OLFM2: variants seen among roughly 807,000 people sequenced by gnomAD.
OLFM2 encodes the protein olfactomedin 2.
A neutral mutation model predicts 43.9 loss-of-function variants in OLFM2; 20 were observed. The observed-to-expected ratio is 0.46, with a 90% CI of 0.32 to 0.66. OLFM2 has a LOEUF of 0.66. Ranked by LOEUF, OLFM2 falls within the 30% of genes least tolerant of loss-of-function variation. The pLI, the probability that OLFM2 is intolerant of heterozygous loss-of-function variation, is 0.04. For missense variants in OLFM2, 416 were observed against 643.6 expected, an observed-to-expected ratio of 0.65 and a Z score of 3.83; for synonymous variants, 268 against 278.6, an observed-to-expected ratio of 0.96 and a Z score of 0.38.
At chr19:9,921,650 G>A (rs897579143) in intron 1 of OLFM2, among the ~76,000 whole-genome samples, 10 of 151,844 alleles carry the variant, frequency 6.6e-5, no homozygotes, top group African/African-American at 2.2e-4. Flanking sequence ...CACCACACCT[G>A]GCTATTTTGT....
chr19:9,910,961 T>C (rs1214117357), intron 1 of OLFM2, among the ~76,000 whole-genome samples: 1 of 151,836 alleles, frequency 6.6e-6, no homozygotes, highest in African/African-American at 2.4e-5. Context: ...GTTGGATGAA[T>C]GAATGAATGG....
chr19:9,917,522 C>G (rs2086392082), intron 1 of OLFM2, among the ~76,000 whole-genome samples: 1 of 152,100 alleles, frequency 6.6e-6, no homozygotes, highest in African/African-American at 2.4e-5. Context: ...GTGTTTCTCT[C>G]CTGTGTCTGC....
intron 1 of OLFM2, among the ~76,000 whole-genome samples, chr19:9,901,077 GAA>G (rs1362376988): frequency 8.9e-6 from 1 of 112,144 alleles, no homozygotes; most frequent in Admixed American, 8.8e-5. Context: ...GGGAGGGAAA[GAA>G]AGAGAGTGAG....
At chr19:9,928,448 C>T (rs1424285160) in intron 1 of OLFM2, among the ~76,000 whole-genome samples, 1 of 150,726 alleles carries the variant, frequency 6.6e-6, no homozygotes, top group African/African-American at 2.4e-5. Flanking sequence ...ATTGTTGGAA[C>T]TATGTGTAAA....
At chr19:9,925,360 T>C (rs2086446447) in intron 1 of OLFM2, among the ~76,000 whole-genome samples, 3 of 152,076 alleles carry the variant, frequency 2.0e-5, no homozygotes, top group Admixed American at 6.6e-5. Flanking sequence ...TGTGGAAAAA[T>C]AGGAACCCTT....
chr19:9,911,257 C>G (rs1459217709), intron 1 of OLFM2, among the ~76,000 whole-genome samples: 3 of 152,136 alleles, frequency 2.0e-5, no homozygotes, highest in African/African-American at 7.2e-5. Flanking sequence ...CTTTCAGACT[C>G]CCAAAATGGA....
chr19:9,910,888 G>A (rs1183550354), intron 1 of OLFM2, among the ~76,000 whole-genome samples: 1 of 152,134 alleles, frequency 6.6e-6, no homozygotes, highest in Non-Finnish European at 1.5e-5. Context: ...TGGATGGAGA[G>A]AAAATGGATG....
At chr19:9,914,350 C>A (rs1230117140) in intron 1 of OLFM2, among the ~76,000 whole-genome samples, 1 of 152,134 alleles carries the variant, frequency 6.6e-6, no homozygotes, top group African/African-American at 2.4e-5. Flanking sequence ...CACCAAGGGT[C>A]TCCTTTAGCT....
rs1413330919 is a variant in OLFM2, at chr19:9,929,162, T to C, written c.63+7142A>G. Among the ~76,000 whole-genome samples, 3 of 152,036 alleles carry C rather than the reference T, an allele frequency of 2.0e-5. No individual in the cohort carries two copies. In the East Asian group the frequency reaches 5.8e-4, roughly 29 times the overall value. ...AATAAAATGTTCCTGTCATGACAAGTTTTTTCCCAACACAGCCAGACTCAA... is the reference window on the plus strand; with the variant it reads ...AATAAAATGTTCCTGTCATGACAAGCTTTTTCCCAACACAGCCAGACTCAA... On this transcript the variant is annotated intron_variant, in intron 1 of 5. Coordinates refer to ENST00000264833, the MANE Select transcript of OLFM2 (RefSeq NM_058164.4).
intron 1 of OLFM2, among the ~76,000 whole-genome samples, chr19:9,918,788 C>A (rs1015110430): frequency 2.0e-5 from 3 of 152,078 alleles, no homozygotes; most frequent in African/African-American, 7.2e-5. Context: ...GTTTATGATT[C>A]TATTTATACA....
intron 1 of OLFM2, among the ~76,000 whole-genome samples, chr19:9,911,424 TTGGA>T (rs1333953174): frequency 1.3e-5 from 2 of 152,098 alleles, no homozygotes; most frequent in Non-Finnish European, 2.9e-5. Flanking sequence ...CATGGAAGCA[TTGGA>T]TGAAGATGCT....
At chr19:9,904,982 G>C (rs1037685365) in intron 1 of OLFM2, among the ~76,000 whole-genome samples, 16 of 152,018 alleles carry the variant, frequency 1.1e-4, no homozygotes, top group African/African-American at 3.9e-4. Context: ...TCATGCCATT[G>C]CACTACAGTC....
At chr19:9,887,476 C>T (rs777599391) in intron 1 of OLFM2, among the ~76,000 whole-genome samples, 57 of 151,642 alleles carry the variant, frequency 3.8e-4, no homozygotes, top group South Asian at 8.3e-4. Context: ...ACCGCACCGC[C>T]CACCCTCTCT....
chr19:9,936,359 G>C lies in OLFM2; in HGVS notation c.8C>G (p.Pro3Arg), dbSNP rs1369339080. Residue 3 changes from proline (P) to arginine (R), a missense_variant, in exon 1 of 6, where the codon CCG (proline) becomes CGG (arginine). Coordinates refer to ENST00000264833, the MANE Select transcript of OLFM2 (RefSeq NM_058164.4). Reference sequence around the variant, plus strand: ...CAGCAGCGGCGGCGGGACCGTGAGCGGCCACATGACGCGCCCCTAGCCCGG... The same window carrying C: ...CAGCAGCGGCGGCGGGACCGTGAGCCGCCACATGACGCGCCCCTAGCCCGG... MW[P>R]LTVPPPLLLL... 10 of 1,498,758 alleles carry C rather than the reference G, an allele frequency of 6.7e-6. No homozygotes were observed. Among genetic ancestry groups the C allele is most frequent in the Non-Finnish European group, 8.8e-6 (10 of 1,130,898 alleles). 92.8% of individuals were successfully genotyped at this position (1,498,758 alleles called of 1,614,324 possible). A position where few individuals can be genotyped will look rare whatever the true frequency, so the allele number is the denominator to read the frequency against.
intron 1 of OLFM2, among the ~76,000 whole-genome samples, chr19:9,903,294 A>G (rs915926279): frequency 2.6e-5 from 4 of 152,160 alleles, no homozygotes; most frequent in Non-Finnish European, 5.9e-5. Flanking sequence ...AGCCCATCAC[A>G]CAGGTGAACG....
chr19:9,872,639 CAGGAT>C (rs1207729087), intron 1 of OLFM2, among the ~76,000 whole-genome samples: 3 of 152,134 alleles, frequency 2.0e-5, no homozygotes, highest in African/African-American at 2.4e-5. Flanking sequence ...GGGGAGGGGT[CAGGAT>C]AGAAAGTGAT....
chr19:9,854,050 C>T lies in OLFM2; in HGVS notation c.*136G>A, dbSNP rs1313354728. ...TAGACAGAAATACATAGGCAGAGAA[C>T]AAAAGCCCAGCAAAAAGGCGGGGAG... On this transcript the variant is annotated 3_prime_UTR_variant, in exon 6 of 6. Coordinates refer to ENST00000264833, the MANE Select transcript of OLFM2 (RefSeq NM_058164.4). This position sits in a 1 kb window ranked among gnomAD's most constrained non-coding sequence, Gnocchi z 9.5. 1.4e-6 allele frequency: 1 copy of T among 740,080 alleles called. No homozygotes were observed. The highest frequency in any genetic ancestry group is 2.7e-5 in the East Asian group (1 of 37,048). The allele number at this position is 740,080 out of a possible 1,614,324, so 45.8% of individuals were successfully genotyped here.
intron 1 of OLFM2, among the ~76,000 whole-genome samples, chr19:9,888,862 C>T (rs750736494): frequency 2.6e-5 from 4 of 151,946 alleles, no homozygotes; most frequent in African/African-American, 4.8e-5. Flanking sequence ...GTCAGGAGAT[C>T]GAGACCATCC....
chr19:9,875,680 G>C (rs1394006617), intron 1 of OLFM2, among the ~76,000 whole-genome samples: 2 of 142,806 alleles, frequency 1.4e-5, no homozygotes, highest in East Asian at 2.0e-4. Flanking sequence ...TTTTTCTTTT[G>C]TTTTTTGTTT....
Sources: allele counts gnomAD v4.1 joint callset (sites outside exome capture counted in the v4.1 genomes callset), GRCh38; gene constraint gnomAD v4.1.1; non-coding constraint Gnocchi (gnomAD v3.1); transcripts MANE v1.5; gene names NCBI Gene and HGNC (gene_info 2026-07-23, HGNC 2026-07-21).